LRRC56: variants seen among roughly 807,000 people sequenced by gnomAD.
LRRC56 encodes leucine-rich repeat-containing protein 56.
A neutral mutation model predicts 47.8 loss-of-function variants in LRRC56; 41 were observed. The observed-to-expected ratio is 0.86, with a 90% CI of 0.67 to 1.11. The LOEUF (loss-of-function observed/expected upper bound fraction) is 1.11, where lower values mean the gene tolerates loss of function less well. Among genes scored for constraint, LRRC56 ranks in the 50% most tolerant of loss-of-function variants. The probability of loss-of-function intolerance (pLI) is 0.00; values close to 1 mark genes in which losing one functional copy is unlikely to be tolerated. For synonymous variants in LRRC56, 387 were observed against 311.2 expected (o/e 1.24, Z -2.56); for missense variants, 759 against 704.2 (o/e 1.08, Z -0.88).
chr11:533,709 G>A (rs2133989089), upstream of LRRC56: 1 of 1,610,318 alleles, frequency 6.2e-7, no homozygotes. Flanking sequence ...CCTGGACGCA[G>A]CCGGCCTGGC....
rs1048177249 is a variant in LRRC56, at chr11:550,084, T to G, written c.436T>G (p.Ser146Ala). 6 of 1,612,368 alleles carry G rather than the reference T, an allele frequency of 3.7e-6. No individual in the cohort carries two copies. In the African/African-American group the frequency reaches 5.3e-5, roughly 14 times the overall value. The stretch of plus-strand genomic sequence containing the variant: ...CCGCGCTGCCCAGGAACTCTACGCC[T>G]CCTACAACAACATCTCGGACCTGAG... ...SLPALKELYASYNNISDLSPL... is the reference protein window; with the variant it reads ...SLPALKELYAAYNNISDLSPL... Residue 146 changes from serine to alanine, a missense_variant, in exon 8 of 14, where the codon TCC (serine) becomes GCC (alanine). Transcript: ENST00000270115.
chr11:520,562 G>T, the LRRC56 span, among the ~76,000 whole-genome samples: 4 of 151,972 alleles, frequency 2.6e-5, no homozygotes, highest in Non-Finnish European at 5.9e-5. Context: ...CAAATGATCC[G>T]CCCACCTCAG....
chr11:550,803 G>C (rs887064260), intron 8 of LRRC56, among the ~76,000 whole-genome samples: 1 of 152,134 alleles, frequency 6.6e-6, no homozygotes, highest in African/African-American at 2.4e-5. Context: ...ACATGCTGAG[G>C]TCAGCGTCTA....
upstream of LRRC56, chr11:532,584 C>T (rs1471470857): frequency 1.5e-5 from 23 of 1,585,390 alleles, no homozygotes; most frequent in African/African-American, 9.4e-5. Flanking sequence ...GGCGGGGAGC[C>T]GGGGTCATCC....
At chr11:524,907 A>G in the LRRC56 span, among the ~76,000 whole-genome samples, 1 of 151,504 alleles carries the variant, frequency 6.6e-6, no homozygotes, top group Non-Finnish European at 1.5e-5. Context: ...CCTGGCCGAC[A>G]TGGTGAAACC....
At chr11:523,944 CAAAAT>C in the LRRC56 span, among the ~76,000 whole-genome samples, 1 of 151,948 alleles carries the variant, frequency 6.6e-6, no homozygotes, top group South Asian at 2.1e-4. Context: ...GAATAATAAA[CAAAAT>C]AAAAAGAAAA....
the LRRC56 span, among the ~76,000 whole-genome samples, chr11:531,314 A>C: frequency 6.6e-6 from 1 of 152,138 alleles, no homozygotes; most frequent in Non-Finnish European, 1.5e-5. Context: ...CTGACAGGGC[A>C]CAAGTCCCCG....
chr11:551,348 C>A (rs1852378640), intron 9 of LRRC56, 46 bp downstream of exon 9: 3 of 1,370,992 alleles, frequency 2.2e-6, no homozygotes, highest in Non-Finnish European at 2.0e-6. Flanking sequence ...CCCCAGCTCC[C>A]CCCAGGAAGA....
chr11:534,874 C>T (rs559255852), upstream of LRRC56, among the ~76,000 whole-genome samples: 82 of 152,322 alleles, frequency 5.4e-4, no homozygotes, highest in African/African-American at 1.8e-3. Flanking sequence ...CCGGGCAGCG[C>T]CCCGCACCCC....
chr11:534,749 C>T (rs527432811), upstream of LRRC56, among the ~76,000 whole-genome samples: 1 of 152,358 alleles, frequency 6.6e-6, no homozygotes, highest in African/African-American at 2.4e-5. Flanking sequence ...CGGAGCGCGC[C>T]ACGGCGTGCC....
upstream of LRRC56, chr11:532,700 C>A (rs142218590): frequency 2.5e-6 from 4 of 1,613,188 alleles, no homozygotes; most frequent in Non-Finnish European, 2.5e-6. Flanking sequence ...GTTCAGCTTC[C>A]GCAGCTTGTG....
At chr11:533,760 G>A (rs878854758), upstream of LRRC56, 5 of 1,613,226 alleles carry the variant, frequency 3.1e-6, no homozygotes, top group Non-Finnish European at 4.2e-6. Flanking sequence ...GCCTCACGGG[G>A]TTCACCTGTA....
the LRRC56 span, among the ~76,000 whole-genome samples, chr11:510,965 G>A: frequency 6.6e-5 from 10 of 152,102 alleles, no homozygotes; most frequent in East Asian, 1.2e-3. Context: ...TATGAGATGT[G>A]TACATAAAGT....
chr11:541,426 A>G lies in LRRC56; in HGVS notation c.178-111A>G. On this transcript the variant is annotated intron_variant, in intron 4 of 13. Coordinates refer to ENST00000270115, the MANE Select transcript of LRRC56 (RefSeq NM_198075.4). This position sits in a 1 kb window ranked among gnomAD's most constrained non-coding sequence, Gnocchi z 4.1. The stretch of plus-strand genomic sequence containing the variant: ...AGGGCCAACATGGCCCAGGCAGGGA[A>G]ACGTCGGTGCCTGCTCCAGCGGGAG... The G allele has an allele frequency of 1.8e-6, 1 of 550,742 alleles. No homozygotes were observed. The highest frequency in any genetic ancestry group is 3.1e-6 in the Non-Finnish European group (1 of 323,210). 34.1% of individuals were successfully genotyped at this position (550,742 alleles called of 1,614,324 possible).
chr11:527,623 C>G, the LRRC56 span, among the ~76,000 whole-genome samples: 1 of 152,096 alleles, frequency 6.6e-6, no homozygotes, highest in African/African-American at 2.4e-5. Flanking sequence ...GCTCTGCCTC[C>G]CAGGTTCACG....
upstream of LRRC56, chr11:533,884 T>G (rs770492627): frequency 1.2e-6 from 2 of 1,613,260 alleles, no homozygotes; most frequent in Non-Finnish European, 1.7e-6. Flanking sequence ...TGGCCGGCGG[T>G]ATCCAGGATG....
chr11:510,381 C>T, the LRRC56 span, among the ~76,000 whole-genome samples: 1 of 152,100 alleles, frequency 6.6e-6, no homozygotes, highest in Non-Finnish European at 1.5e-5. Context: ...GCAGGCGGAT[C>T]ATTTGAGGTC....
At position 550,007 on chromosome 11, in the gene LRRC56, G is replaced by T; in HGVS notation, c.423+9G>T. 2 of 1,612,398 alleles carry T rather than the reference G, an allele frequency of 1.2e-6. No individual in the cohort carries two copies. The highest frequency in any genetic ancestry group is 1.7e-6 in the Non-Finnish European group (2 of 1,179,454). ...CTTTGCCAGCACTTAAGGTGAGTCT[G>T]GGCACCCTGGGCTGGGGAGGCCTGG... On this transcript the variant is annotated intron_variant, in intron 7 of 13. Coordinates refer to ENST00000270115, the MANE Select transcript of LRRC56 (RefSeq NM_198075.4).
At chr11:533,512 G>A (rs376688893), upstream of LRRC56, 5 of 1,613,600 alleles carry the variant, frequency 3.1e-6, no homozygotes, top group Non-Finnish European at 4.2e-6. Flanking sequence ...GCGAGGTCCT[G>A]AGCCTGCCGA....
Sources: gnomAD v4.1 joint callset for allele counts (sites outside exome capture counted in the v4.1 genomes callset) on GRCh38, gnomAD v4.1.1 for gene constraint, Gnocchi (gnomAD v3.1) non-coding constraint, MANE v1.5 for transcripts, NCBI Gene and HGNC (gene_info 2026-07-23, HGNC 2026-07-21) for gene names.